Variants in CXCL13 observed in about 807,000 individuals in gnomAD.
The protein encoded by CXCL13 is C-X-C motif chemokine ligand 13, also known as C-X-C motif chemokine 13.
In CXCL13, 7 loss-of-function variants were observed where a neutral mutation model predicts 12.2. That is an observed-to-expected ratio of 0.57 (90% CI 0.33 to 1.07). The LOEUF is 1.07. Among genes scored for constraint, CXCL13 ranks in the 50% least tolerant of loss-of-function variants. CXCL13 has a pLI of 0.04. For missense variants in CXCL13, 113 were observed against 127.4 expected (o/e 0.89, Z 0.55); for synonymous variants, 47 against 42.4 (o/e 1.11, Z -0.42).
chr4:77,570,664 G>A, intron 1 of CXCL13, among the ~76,000 whole-genome samples: 1 of 152,194 alleles, frequency 6.6e-6, no homozygotes, highest in East Asian at 1.9e-4. Flanking sequence ...GAGGTGTGGA[G>A]GGAGAGGCGC....
At chr4:77,607,926 G>A (rs887616797) in intron 2 of CXCL13, 91 bp downstream of exon 2, 9 of 1,302,636 alleles carry the variant, frequency 6.9e-6, no homozygotes, top group African/African-American at 4.4e-5. Flanking sequence ...CAAGAATGTC[G>A]AAGAGATTTA....
At chr4:77,598,121 G>T (rs1408946253) in intron 1 of CXCL13, among the ~76,000 whole-genome samples, 1 of 152,216 alleles carries the variant, frequency 6.6e-6, no homozygotes, top group Non-Finnish European at 1.5e-5. Flanking sequence ...GACCAGGCTT[G>T]CCTGTCTTGA....
chr4:77,548,967 T>A (rs2109805691), intron 1 of CXCL13, among the ~76,000 whole-genome samples: 1 of 152,376 alleles, frequency 6.6e-6, no homozygotes, highest in South Asian at 2.1e-4. Context: ...CACTTTCAGG[T>A]ATACCAATCA....
chr4:77,559,336 A>T (rs1293466865), intron 1 of CXCL13, among the ~76,000 whole-genome samples: 2 of 152,090 alleles, frequency 1.3e-5, no homozygotes, highest in Admixed American at 1.3e-4. Flanking sequence ...GCTTCAGTTG[A>T]CCCTTTGGCC....
Position 77,611,282 on chromosome 4 carries a change from G to GT in CXCL13, c.*245dup. 2 of 419,600 alleles carry GT rather than the reference G, an allele frequency of 4.8e-6. No individual in the cohort carries two copies. The highest frequency in any genetic ancestry group is 8.4e-6 in the Non-Finnish European group (2 of 237,724). 26.0% of individuals were successfully genotyped at this position (419,600 alleles called of 1,614,324 possible). ...AGGGAGGAAAGTTTCTTTGAAAATA[G>GT]TTATTCAGTTATAAGTAATACAGGA... On this transcript the variant is annotated 3_prime_UTR_variant, in exon 4 of 4. Transcript: ENST00000682537.
chr4:77,513,022 TGTG>T, intron 1 of CXCL13, among the ~76,000 whole-genome samples: 1 of 152,206 alleles, frequency 6.6e-6, no homozygotes, highest in South Asian at 2.1e-4. Context: ...AGTGAGAACA[TGTG>T]GTGTTTGGTT....
In CXCL13 at chr4:77,558,438, T is replaced by C. The variant is rs150193527; in HGVS notation, c.-43+46650T>C. 4.5e-3 allele frequency among the ~76,000 whole-genome samples: 681 copies of C among 152,280 alleles called. 18 individuals carry two copies. The highest frequency in any genetic ancestry group is 0.027 in the East Asian group (140 of 5,178). Reference sequence around the variant, plus strand: ...AGCAATCTCAGCTCACTGCAACCTCTGCCTCCCAAATTCAAGCAATTCTCC... The same window carrying C: ...AGCAATCTCAGCTCACTGCAACCTCCGCCTCCCAAATTCAAGCAATTCTCC... On this transcript the variant is annotated intron_variant, in intron 1 of 4. Transcript: ENST00000286758.
chr4:77,548,614 G>A (rs1026672523), intron 1 of CXCL13, among the ~76,000 whole-genome samples: 20 of 152,128 alleles, frequency 1.3e-4, no homozygotes, highest in Admixed American at 3.9e-4. Flanking sequence ...CGAATTCCTC[G>A]GCTGGTACTA....
At chr4:77,543,146 G>A (rs964721990) in intron 1 of CXCL13, among the ~76,000 whole-genome samples, 2 of 152,068 alleles carry the variant, frequency 1.3e-5, no homozygotes, top group Non-Finnish European at 2.9e-5. Context: ...TAGTCTGTAT[G>A]CATAGAGGTG....
chr4:77,599,331 C>T (rs554341471), intron 1 of CXCL13, among the ~76,000 whole-genome samples: 2 of 152,078 alleles, frequency 1.3e-5, no homozygotes, highest in African/African-American at 4.8e-5. Flanking sequence ...CTCCTGTATA[C>T]TTTAAATCAT....
intron 1 of CXCL13, among the ~76,000 whole-genome samples, chr4:77,592,877 A>G (rs1023074887): frequency 6.6e-6 from 1 of 152,204 alleles, no homozygotes; most frequent in Non-Finnish European, 1.5e-5. Context: ...ATTGTCCCTC[A>G]AGATTTACAC....
chr4:77,610,381 C>T (rs1727117526), intron 2 of CXCL13, among the ~76,000 whole-genome samples: 1 of 151,998 alleles, frequency 6.6e-6, no homozygotes, highest in African/African-American at 2.4e-5. Flanking sequence ...CATGTGAGGC[C>T]CTCGCAGCTT....
Position 77,586,371 on chromosome 4 carries a change from T to G in CXCL13, c.-42-19453T>G, listed in dbSNP as rs355688. On this transcript the variant is annotated intron_variant, in intron 1 of 4. Coordinates refer to the CXCL13 transcript ENST00000286758. ...GAGAGAGTGCTGTTCTTAAAATCGGTATGTTGGCAGGATGGTTCTTTCCAT... is the reference window on the plus strand; with the variant it reads ...GAGAGAGTGCTGTTCTTAAAATCGGGATGTTGGCAGGATGGTTCTTTCCAT... Among the ~76,000 whole-genome samples the G allele has an allele frequency of 4.6e-3, 704 of 152,230 alleles. 2 individuals are homozygous for G. Among genetic ancestry groups the G allele is most frequent in the African/African-American group, 0.015 (622 of 41,528 alleles).
intron 1 of CXCL13, among the ~76,000 whole-genome samples, chr4:77,532,894 C>T (rs1724964707): frequency 6.6e-6 from 1 of 152,130 alleles, no homozygotes; most frequent in Non-Finnish European, 1.5e-5. Flanking sequence ...TTTTCAGCTC[C>T]TTTAAGGAGT....
chr4:77,607,764 T>G lies in CXCL13; in HGVS notation c.126T>G (p.Phe42Leu). 1.2e-6 allele frequency: 2 copies of G among 1,613,668 alleles called. No individual in the cohort carries two copies. Among genetic ancestry groups the G allele is most frequent in the South Asian group, 2.2e-5 (2 of 91,042 alleles). ...RCRCVQESSV[F>L]IPRRFIDRIQ... ...GATGTGTCCAAGAGAGCTCAGTCTTTATCCCTAGACGCTTCATTGATCGAA... is the reference window on the plus strand; with the variant it reads ...GATGTGTCCAAGAGAGCTCAGTCTTGATCCCTAGACGCTTCATTGATCGAA... The change falls in exon 2 of 4, where the codon TTT becomes TTG. Residue 42 changes from phenylalanine to leucine, a missense_variant. Transcript: ENST00000682537.
intron 1 of CXCL13, among the ~76,000 whole-genome samples, chr4:77,516,745 C>G (rs1357231359): frequency 6.6e-6 from 1 of 151,766 alleles, no homozygotes; most frequent in Non-Finnish European, 1.5e-5. Context: ...TTTGTTGATC[C>G]ATTCAAAAAA....
intron 1 of CXCL13, among the ~76,000 whole-genome samples, chr4:77,525,552 C>T (rs1724741805): frequency 6.6e-6 from 1 of 151,936 alleles, no homozygotes; most frequent in Non-Finnish European, 1.5e-5. Context: ...TGTCTATTAG[C>T]TCTCATGGCT....
At chr4:77,549,947 G>T (rs771470543) in intron 1 of CXCL13, among the ~76,000 whole-genome samples, 5 of 152,236 alleles carry the variant, frequency 3.3e-5, no homozygotes, top group Non-Finnish European at 7.3e-5. Context: ...GCCCCCAGAG[G>T]TGGAGTCTAC....
intron 1 of CXCL13, among the ~76,000 whole-genome samples, chr4:77,552,111 C>T (rs758911974): frequency 1.8e-4 from 28 of 152,106 alleles, no homozygotes; most frequent in Non-Finnish European, 2.9e-4. Flanking sequence ...TAGGGTCCTT[C>T]GCTGGAGAGG....
Sources: gnomAD v4.1 joint callset for allele counts (sites outside exome capture counted in the v4.1 genomes callset) on GRCh38, gnomAD v4.1.1 for gene constraint, MANE v1.5 for transcripts, NCBI Gene and HGNC (gene_info 2026-07-23, HGNC 2026-07-21) for gene names.